The following GNG7 variants were observed in gnomAD, a reference collection of about 807,000 sequenced individuals.
GNG7 encodes guanine nucleotide-binding protein G(I)/G(S)/G(O) subunit gamma-7.
A neutral mutation model predicts 4.0 loss-of-function variants in GNG7; 1 was observed. That is an observed-to-expected ratio of 0.25 (90% CI 0.09 to 1.18). GNG7 has a LOEUF of 1.18. Ranked by LOEUF, GNG7 falls within the 50% of genes most tolerant of loss-of-function variation. The probability of loss-of-function intolerance (pLI) is 0.50; values close to 1 mark genes in which losing one functional copy is unlikely to be tolerated. For synonymous variants in GNG7, 34 were observed against 36.9 expected (o/e 0.92, Z 0.29); for missense variants, 86 against 91.9 (o/e 0.94, Z 0.26).
intron 2 of GNG7, among the ~76,000 whole-genome samples, chr19:2,638,835 T>C (rs974153709): frequency 6.6e-6 from 1 of 152,146 alleles, no homozygotes; most frequent in Admixed American, 6.5e-5. Context: ...AGTTCAGAAT[T>C]TAAGTGTAAA....
At chr19:2,591,268 G>C (rs1322320521) in intron 2 of GNG7, among the ~76,000 whole-genome samples, 1 of 152,044 alleles carries the variant, frequency 6.6e-6, no homozygotes, top group Non-Finnish European at 1.5e-5. Flanking sequence ...TTTCTTATGA[G>C]ATTTGTCAGG....
chr19:2,662,352 C>T (rs546761803), intron 1 of GNG7, among the ~76,000 whole-genome samples: 1 of 151,464 alleles, frequency 6.6e-6, no homozygotes, highest in South Asian at 2.1e-4. Context: ...TCCCCTAATT[C>T]GATTCAGTTC....
At position 2,553,696 on chromosome 19, in the gene GNG7, T is replaced by C. The variant is rs553609013; in HGVS notation, c.-38+1453A>G. On this transcript the variant is annotated intron_variant, in intron 3 of 4. Transcript: ENST00000382159. Reference sequence around the variant, plus strand: ...TGTAATATGTTATATTACACACATGTGCACATTACATATAATATATTACAT... The same window carrying C: ...TGTAATATGTTATATTACACACATGCGCACATTACATATAATATATTACAT... 3.6e-4 allele frequency among the ~76,000 whole-genome samples: 50 copies of C among 138,474 alleles called. No individual in the cohort carries two copies. In the South Asian group the frequency reaches 6.4e-3, roughly 18 times the overall value. The allele number at this position is 138,474 out of a possible 152,430, so 90.8% of individuals were successfully genotyped here.
At chr19:2,689,385 G>A (rs967136318) in intron 1 of GNG7, among the ~76,000 whole-genome samples, 5 of 151,688 alleles carry the variant, frequency 3.3e-5, no homozygotes, top group Non-Finnish European at 5.9e-5. Flanking sequence ...CACTTTGGGA[G>A]GCCAAGGCGG....
At chr19:2,686,104 G>A (rs960215273) in intron 1 of GNG7, among the ~76,000 whole-genome samples, 1 of 151,882 alleles carries the variant, frequency 6.6e-6, no homozygotes, top group African/African-American at 2.4e-5. Flanking sequence ...AGGCCAGGGG[G>A]CAGAAAGTGC....
intron 2 of GNG7, among the ~76,000 whole-genome samples, chr19:2,598,627 A>C (rs981956361): frequency 6.6e-6 from 1 of 151,464 alleles, no homozygotes; most frequent in Non-Finnish European, 1.5e-5. Flanking sequence ...ACTGCACTCC[A>C]GCCTGAGCGA....
chr19:2,604,813 T>C (rs1981329486), intron 2 of GNG7, among the ~76,000 whole-genome samples: 1 of 152,120 alleles, frequency 6.6e-6, no homozygotes, highest in South Asian at 2.1e-4. Context: ...TGCAGGGCAG[T>C]GGCGAGAAGG....
rs536392607 is a variant in GNG7 at position 2,644,813 on chromosome 19, C to T, written c.-78+1411G>A. The stretch of plus-strand genomic sequence containing the variant: ...CCTGTGTCAAAGCTTCATTCCTTTT[C>T]ATGGCTGAGTAACACTCCATGGTGT... On this transcript the variant is annotated intron_variant, in intron 2 of 4. Coordinates refer to ENST00000382159, the MANE Select transcript of GNG7 (RefSeq NM_052847.3). 5.3e-5 allele frequency among the ~76,000 whole-genome samples: 8 copies of T among 152,326 alleles called. No homozygotes were observed. The South Asian group carries it at 1.7e-3, about 32-fold the overall frequency.
chr19:2,560,954 C>T (rs375358782), intron 2 of GNG7, among the ~76,000 whole-genome samples: 2 of 132,602 alleles, frequency 1.5e-5, no homozygotes, highest in Non-Finnish European at 3.2e-5. Context: ...GAGACTGTTT[C>T]AAAAAAAAAA....
chr19:2,553,739 G>A lies in GNG7; in HGVS notation c.-38+1410C>T, dbSNP rs568804860. Among the ~76,000 whole-genome samples the A allele has an allele frequency of 6.4e-3, 894 of 139,780 alleles. 14 individuals are homozygous for A. Among genetic ancestry groups the A allele is most frequent in the African/African-American group, 0.02 (770 of 37,822 alleles). 91.7% of individuals were successfully genotyped at this position (139,780 alleles called of 152,430 possible). On this transcript the variant is annotated intron_variant, in intron 3 of 4. Transcript: ENST00000382159. ...TATTACATATATGTACATATTACAT[G>A]CAATATATTACATATATGCACATAT...
intron 2 of GNG7, among the ~76,000 whole-genome samples, chr19:2,568,166 TAC>T (rs969221817): frequency 3.4e-4 from 46 of 133,718 alleles, no homozygotes; most frequent in South Asian, 1.2e-3. Flanking sequence ...TACACATACA[TAC>T]ACACACATAC....
At position 2,512,438 on chromosome 19, in the gene GNG7, G is replaced by A. The variant is rs947331804; in HGVS notation, c.*2584C>T. ...TTCTGGCAATGGCCACCTCCCTGGG[G>A]TCCGGGAGATGGTGGGGTCTGGACA... is the stretch of plus-strand genomic sequence containing the variant. On this transcript the variant is annotated 3_prime_UTR_variant, in exon 5 of 5. Coordinates refer to ENST00000382159, the MANE Select transcript of GNG7 (RefSeq NM_052847.3). This position sits in a 1 kb window ranked among gnomAD's most constrained non-coding sequence, Gnocchi z 4.7. The A allele has an allele frequency of 1.6e-5, 14 of 894,526 alleles. No individual in the cohort carries two copies. Among genetic ancestry groups the A allele is most frequent in the Admixed American group, 6.2e-5 (1 of 16,158 alleles). The allele number at this position is 894,526 out of a possible 1,614,324, so 55.4% of individuals were successfully genotyped here.
chr19:2,696,298 GAAAGAAAGAA>G, intron 1 of GNG7, among the ~76,000 whole-genome samples: 1 of 90,990 alleles, frequency 1.1e-5, no homozygotes, highest in Non-Finnish European at 2.3e-5. Flanking sequence ...GAGAGAGAAA[GAAAGAAAGAA>G]AGAAAGAAAG....
chr19:2,515,725 C>T (rs113049819), intron 4 of GNG7, among the ~76,000 whole-genome samples: 12 of 151,752 alleles, frequency 7.9e-5, no homozygotes, highest in Non-Finnish European at 1.3e-4. Context: ...TGCGCCCGGC[C>T]GTGTGATCCC....
chr19:2,553,871 T>C (rs949952530), intron 3 of GNG7, among the ~76,000 whole-genome samples: 1 of 148,690 alleles, frequency 6.7e-6, no homozygotes, highest in Admixed American at 6.8e-5. Flanking sequence ...TATGTAACAT[T>C]GCATACATGT....
At chr19:2,687,054 T>C (rs1297106103) in intron 1 of GNG7, among the ~76,000 whole-genome samples, 2 of 146,802 alleles carry the variant, frequency 1.4e-5, no homozygotes, top group African/African-American at 5.3e-5. Flanking sequence ...GCCTGGCCAC[T>C]TTTTTTCTTT....
At chr19:2,624,033 G>C (rs923541764) in intron 2 of GNG7, among the ~76,000 whole-genome samples, 2 of 152,076 alleles carry the variant, frequency 1.3e-5, no homozygotes, top group African/African-American at 2.4e-5. Flanking sequence ...GAAGCAGGAT[G>C]GGGGGTGCCA....
At chr19:2,570,005 C>G (rs1980097018) in intron 2 of GNG7, among the ~76,000 whole-genome samples, 1 of 152,256 alleles carries the variant, frequency 6.6e-6, no homozygotes, top group East Asian at 1.9e-4. Context: ...AATGCGACCC[C>G]CTATGTTGGA....
intron 2 of GNG7, among the ~76,000 whole-genome samples, chr19:2,584,484 CTACT>C (rs1268023072): frequency 6.6e-6 from 1 of 150,646 alleles, no homozygotes; most frequent in African/African-American, 2.4e-5. Flanking sequence ...TGTGTCCCAG[CTACT>C]TGGGAGGCTG....
Sources: allele counts gnomAD v4.1 joint callset (sites outside exome capture counted in the v4.1 genomes callset), GRCh38; gene constraint gnomAD v4.1.1; non-coding constraint Gnocchi (gnomAD v3.1); transcripts MANE v1.5; gene names NCBI Gene and HGNC (gene_info 2026-07-23, HGNC 2026-07-21).